The following CYP4Z1 variants were observed in gnomAD, a reference collection of about 807,000 sequenced individuals.
CYP4Z1 encodes cytochrome P450 4Z1.
A neutral mutation model predicts 54.2 loss-of-function variants in CYP4Z1; 41 were observed. That is an observed-to-expected ratio of 0.76 (90% CI 0.59 to 0.98). CYP4Z1 has a LOEUF of 0.98. CYP4Z1 is among the 50% of genes least tolerant of loss of function. The pLI, the probability that CYP4Z1 is intolerant of heterozygous loss-of-function variation, is 0.00. For missense variants in CYP4Z1, 513 were observed against 599.0 expected, an observed-to-expected ratio of 0.86 and a Z score of 1.50; for synonymous variants, 163 against 206.2, an observed-to-expected ratio of 0.79 and a Z score of 1.79.
the CYP4Z1 span, among the ~76,000 whole-genome samples, chr1:47,056,778 A>G: frequency 2.0e-4 from 30 of 152,058 alleles, no homozygotes; most frequent in South Asian, 1.2e-3. Context: ...TGCTTGGTAG[A>G]TCTTCCTCCA....
intron 8 of CYP4Z1, among the ~76,000 whole-genome samples, chr1:47,103,335 ATG>A (rs1644733360): frequency 6.8e-6 from 1 of 146,242 alleles, no homozygotes; most frequent in South Asian, 2.2e-4. Flanking sequence ...ATGTGCCACC[ATG>A]CCTGGCTAAT....
upstream of CYP4Z1, among the ~76,000 whole-genome samples, chr1:47,063,342 C>T (rs1390504128): frequency 1.3e-5 from 2 of 151,684 alleles, no homozygotes; most frequent in Non-Finnish European, 2.9e-5. Context: ...TTTTTCACAC[C>T]CCCAAGAGAT....
intron 4 of CYP4Z1, among the ~76,000 whole-genome samples, chr1:47,084,327 G>T (rs1177708456): frequency 6.6e-6 from 1 of 150,562 alleles, no homozygotes; most frequent in Non-Finnish European, 1.5e-5. Flanking sequence ...TCCATGTTTT[G>T]TCAGCTTAGT....
intron 9 of CYP4Z1, among the ~76,000 whole-genome samples, chr1:47,112,716 C>CAAA (rs1557635561): frequency 6.6e-6 from 1 of 151,438 alleles, no homozygotes; most frequent in Admixed American, 6.6e-5. Flanking sequence ...GTCTGGGCAA[C>CAAA]ACAAGACCCC....
At chr1:47,095,419 A>G (rs1255994928) in intron 7 of CYP4Z1, among the ~76,000 whole-genome samples, 2 of 152,200 alleles carry the variant, frequency 1.3e-5, no homozygotes, top group Non-Finnish European at 2.9e-5. Flanking sequence ...CGTGATGTTC[A>G]TGAGAAAAGT....
intron 2 of CYP4Z1, among the ~76,000 whole-genome samples, chr1:47,074,209 G>A (rs1240805524): frequency 6.6e-6 from 1 of 151,248 alleles, no homozygotes; most frequent in African/African-American, 2.4e-5. Context: ...TGGGTATACT[G>A]CATGATACTG....
At chr1:47,057,338 ATATATATATATATATAT>A in the CYP4Z1 span, among the ~76,000 whole-genome samples, 253 of 72,610 alleles carry the variant, frequency 3.5e-3, 18 homozygotes, top group South Asian at 0.023. Context: ...AAAAAAAAAT[ATATATATATATATATAT>A]ATATATATAT....
intron 8 of CYP4Z1, among the ~76,000 whole-genome samples, chr1:47,105,646 T>C (rs1459821757): frequency 6.6e-6 from 1 of 152,220 alleles, no homozygotes; most frequent in African/African-American, 2.4e-5. Context: ...CTCCCTTAGA[T>C]GATCTATTTG....
At position 47,106,163 on chromosome 1, in the gene CYP4Z1, G is replaced by A; in HGVS notation, c.1103G>A (p.Cys368Tyr). ...HLSQMPYTTM[C>Y]IKECLRLYAP... ...AGCCAGATGCCTTACACCACGATGT[G>A]CATCAAGGAATGCCTCCGCCTCTAC... Residue 368 changes from cysteine to tyrosine, a missense_variant, in exon 9 of 12, where the codon TGC (cysteine) becomes TAC (tyrosine). Physicochemically the swap from Cys to Tyr is radical, Grantham distance 194. Coordinates refer to ENST00000334194, the MANE Select transcript of CYP4Z1 (RefSeq NM_178134.3). 2.5e-6 allele frequency: 4 copies of A among 1,613,920 alleles called. No individual in the cohort carries two copies. Among genetic ancestry groups the A allele is most frequent in the Non-Finnish European group, 3.4e-6 (4 of 1,179,934 alleles).
chr1:47,096,590 C>T (rs1206106819), intron 7 of CYP4Z1: 1 of 151,180 alleles, frequency 6.6e-6, no homozygotes, highest in East Asian at 1.9e-4. Context: ...ACAGATCATC[C>T]CATCATCTAG....
upstream of CYP4Z1, among the ~76,000 whole-genome samples, chr1:47,062,455 G>T (rs952314288): frequency 6.6e-6 from 1 of 152,238 alleles, no homozygotes; most frequent in South Asian, 2.1e-4. Context: ...TCTCAGCCCT[G>T]GTCACTGGCT....
intron 10 of CYP4Z1, among the ~76,000 whole-genome samples, chr1:47,116,445 G>C (rs1644830649): frequency 6.6e-6 from 1 of 152,118 alleles, no homozygotes; most frequent in Non-Finnish European, 1.5e-5. Context: ...AGGTTATATA[G>C]CCTCTGCTTT....
At chr1:47,112,432 T>C (rs1192551550) in intron 9 of CYP4Z1, among the ~76,000 whole-genome samples, 1 of 152,126 alleles carries the variant, frequency 6.6e-6, no homozygotes, top group Non-Finnish European at 1.5e-5. Context: ...GTAAAGACCA[T>C]ATAATCCCAG....
the CYP4Z1 span, among the ~76,000 whole-genome samples, chr1:47,057,335 A>AAAAAAAAAAAAAAAAAATAT: frequency 1.1e-4 from 3 of 28,478 alleles, no homozygotes; most frequent in Non-Finnish European, 1.7e-4. Flanking sequence ...AAGAAAAAAA[A>AAAAAAAAAAAAAAAAAATAT]ATATATATAT....
At chr1:47,089,988 A>G (rs765484514) in intron 6 of CYP4Z1, among the ~76,000 whole-genome samples, 66 of 152,280 alleles carry the variant, frequency 4.3e-4, no homozygotes, top group Non-Finnish European at 7.3e-4. Context: ...TCCTTTAATT[A>G]TTAATTTTTT....
At chr1:47,116,870 C>A in intron 11 of CYP4Z1, 138 bp downstream of exon 11, 2 of 618,534 alleles carry the variant, frequency 3.2e-6, no homozygotes, top group Non-Finnish European at 5.5e-6. Flanking sequence ...TCTCTTGTGA[C>A]CAGTGCATTT....
At chr1:47,092,277 CCTT>C (rs896634135) in intron 6 of CYP4Z1, among the ~76,000 whole-genome samples, 1 of 152,034 alleles carries the variant, frequency 6.6e-6, no homozygotes, top group African/African-American at 2.4e-5. Context: ...CCGTCTCTCT[CCTT>C]CTCCTGAGCT....
intron 6 of CYP4Z1, among the ~76,000 whole-genome samples, chr1:47,092,529 T>C (rs767280442): frequency 1.4e-3 from 213 of 151,578 alleles, no homozygotes; most frequent in African/African-American, 4.8e-3. Context: ...TGGTTTTCCA[T>C]AGGCCTTCTA....
rs1644539745 is a variant in CYP4Z1, at chr1:47,078,258, T to A, written c.320-2365T>A. Among the ~76,000 whole-genome samples, 3 of 152,186 alleles carry A rather than the reference T, an allele frequency of 2.0e-5. No homozygotes were observed. The South Asian group carries it at 6.2e-4, about 32-fold the overall frequency. On this transcript the variant is annotated intron_variant, in intron 2 of 11. Coordinates refer to ENST00000334194, the MANE Select transcript of CYP4Z1 (RefSeq NM_178134.3). ...TATTTCTGCCCCTCAGATTCAACAA[T>A]CTCAATTGACCTATCTCCAACTTTG...
Sources: allele counts gnomAD v4.1 joint callset (sites outside exome capture counted in the v4.1 genomes callset), GRCh38; gene constraint gnomAD v4.1.1; transcripts MANE v1.5; gene names NCBI Gene and HGNC (gene_info 2026-07-23, HGNC 2026-07-21).